NPAS3: variants seen among roughly 807,000 people sequenced by gnomAD.
The protein encoded by NPAS3 is neuronal PAS domain-containing protein 3.
A neutral mutation model predicts 73.1 loss-of-function variants in NPAS3; 14 were observed. The observed-to-expected ratio is 0.19, with a 90% confidence interval of 0.13 to 0.30. The LOEUF (loss-of-function observed/expected upper bound fraction) is 0.30. Among genes scored for constraint, NPAS3 ranks in the 10% least tolerant of loss-of-function variants. NPAS3 has a pLI of 1.00. For synonymous variants in NPAS3, 620 were observed against 541.5 expected (o/e 1.14, Z -2.01); for missense variants, 1,096 against 1,250.0 (o/e 0.88, Z 1.86).
chr14:33,500,498 C>T (rs2052460578), intron 4 of NPAS3, among the ~76,000 whole-genome samples: 1 of 151,776 alleles, frequency 6.6e-6, no homozygotes, highest in Admixed American at 6.6e-5. Flanking sequence ...ATGAAGATGA[C>T]CCAAATGATC....
At chr14:33,241,323 G>T (rs1041001121) in intron 3 of NPAS3, among the ~76,000 whole-genome samples, 23 of 151,902 alleles carry the variant, frequency 1.5e-4, no homozygotes, top group African/African-American at 5.3e-4. Flanking sequence ...AAATTCAACT[G>T]ATTTTTTCTT....
intron 4 of NPAS3, among the ~76,000 whole-genome samples, chr14:33,487,232 A>T (rs1180081134): frequency 6.6e-6 from 1 of 152,200 alleles, no homozygotes; most frequent in Non-Finnish European, 1.5e-5. Flanking sequence ...TTTGTAATGT[A>T]ATTGCCCACT....
intron 2 of NPAS3, among the ~76,000 whole-genome samples, chr14:33,087,874 G>A (rs1472036125): frequency 6.6e-6 from 1 of 152,110 alleles, no homozygotes. Flanking sequence ...ACCAAAATAA[G>A]AAATGTGTTT....
intron 4 of NPAS3, among the ~76,000 whole-genome samples, chr14:33,415,082 C>T (rs2048093440): frequency 6.6e-6 from 1 of 152,138 alleles, no homozygotes; most frequent in South Asian, 2.1e-4. Flanking sequence ...GACTATACTT[C>T]TGCCCTTATG....
chr14:33,521,566 G>A (rs1213956550), intron 4 of NPAS3, among the ~76,000 whole-genome samples: 1 of 147,290 alleles, frequency 6.8e-6, no homozygotes, highest in Non-Finnish European at 1.5e-5. Flanking sequence ...TTAAAAATGT[G>A]ACTCTCTGTT....
intron 9 of NPAS3, among the ~76,000 whole-genome samples, chr14:33,784,771 A>G (rs1432251301): frequency 8.4e-5 from 2 of 23,702 alleles, no homozygotes; most frequent in African/African-American, 3.8e-4. Flanking sequence ...TTTTTTTGAG[A>G]CAGAGTTTCA....
chr14:33,660,096 A>G (rs2059265059), intron 5 of NPAS3, among the ~76,000 whole-genome samples: 1 of 152,188 alleles, frequency 6.6e-6, no homozygotes, highest in South Asian at 2.1e-4. Flanking sequence ...CCTGAGGTCT[A>G]GAATGAAAAA....
chr14:33,802,754 G>T (rs2063746911), downstream of NPAS3: 1 of 152,364 alleles, frequency 6.6e-6, no homozygotes, highest in Non-Finnish European at 1.5e-5. Context: ...AGTGGGTTTT[G>T]TGTGGTGGCC....
chr14:33,635,644 C>T lies in NPAS3; in HGVS notation c.559-40567C>T, dbSNP rs543602738. Among the ~76,000 whole-genome samples the T allele has an allele frequency of 5.8e-4, 88 of 152,252 alleles. 2 individuals are homozygous for T. Among genetic ancestry groups the T allele is most frequent in the African/African-American group, 2.0e-3 (85 of 41,558 alleles). ...CCTTCCTCTAACTGTTCACCAGCAC[C>T]GCCATCACCCATTATCAGACATAGT... On this transcript the variant is annotated intron_variant, in intron 5 of 11. Transcript: ENST00000356141.
intron 4 of NPAS3, among the ~76,000 whole-genome samples, chr14:33,523,543 A>C (rs2053655218): frequency 6.6e-6 from 1 of 151,584 alleles, no homozygotes; most frequent in Admixed American, 6.6e-5. Context: ...CAGATGGATC[A>C]CCTGAGGTCA....
chr14:33,372,675 A>G (rs987579937), intron 4 of NPAS3, among the ~76,000 whole-genome samples: 5 of 152,190 alleles, frequency 3.3e-5, no homozygotes, highest in African/African-American at 9.6e-5. Flanking sequence ...TTGAGGGTTC[A>G]AGGGATGTCA....
intron 5 of NPAS3, among the ~76,000 whole-genome samples, chr14:33,621,864 G>A (rs944724749): frequency 2.0e-5 from 3 of 152,106 alleles, no homozygotes; most frequent in Non-Finnish European, 4.4e-5. Context: ...ACAGGGGAAA[G>A]GTCACTCAGA....
chr14:33,085,692 T>G (rs745375522), intron 2 of NPAS3, among the ~76,000 whole-genome samples: 8 of 152,204 alleles, frequency 5.3e-5, no homozygotes, highest in Non-Finnish European at 8.8e-5. Flanking sequence ...GTTTTTCTTG[T>G]GAAAAGACAT....
intron 6 of NPAS3, among the ~76,000 whole-genome samples, chr14:33,703,212 G>T (rs1002037570): frequency 6.6e-6 from 1 of 152,174 alleles, no homozygotes; most frequent in African/African-American, 2.4e-5. Context: ...CCTTGGCTGG[G>T]AGCAGTGGCT....
intron 4 of NPAS3, among the ~76,000 whole-genome samples, chr14:33,394,165 G>A (rs189253447): frequency 9.9e-4 from 151 of 152,186 alleles, no homozygotes; most frequent in Non-Finnish European, 7.9e-4. Context: ...AGATGAAATC[G>A]CCTGCTGTCT....
chr14:33,115,165 G>A (rs2043020267), intron 2 of NPAS3, among the ~76,000 whole-genome samples: 1 of 152,156 alleles, frequency 6.6e-6, no homozygotes, highest in African/African-American at 2.4e-5. Flanking sequence ...TATCGGAAAG[G>A]GATAGGTGGA....
intron 1 of NPAS3, among the ~76,000 whole-genome samples, chr14:32,971,603 G>C (rs1232168921): frequency 6.6e-6 from 1 of 152,114 alleles, no homozygotes; most frequent in African/African-American, 2.4e-5. Flanking sequence ...ATAGCTTTCA[G>C]CAGGCATAAT....
At chr14:33,083,673 T>C (rs951740209) in intron 2 of NPAS3, among the ~76,000 whole-genome samples, 1 of 152,136 alleles carries the variant, frequency 6.6e-6, no homozygotes, top group Non-Finnish European at 1.5e-5. Flanking sequence ...TGGGAGAAAA[T>C]TGCCATGTCT....
intron 1 of NPAS3, among the ~76,000 whole-genome samples, chr14:33,010,849 C>T (rs575438595): frequency 1.3e-5 from 2 of 150,438 alleles, no homozygotes; most frequent in South Asian, 2.1e-4. Context: ...GCGGGGGGAT[C>T]GCTTGTGTCC....
Sources: gnomAD v4.1 joint callset for allele counts (sites outside exome capture counted in the v4.1 genomes callset) on GRCh38, gnomAD v4.1.1 for gene constraint, MANE v1.5 for transcripts, NCBI Gene and HGNC (gene_info 2026-07-23, HGNC 2026-07-21) for gene names.